The following TMC1 variants were observed in gnomAD, a reference collection of about 807,000 sequenced individuals.
TMC1 encodes transmembrane channel-like protein 1.
A neutral mutation model predicts 105.8 loss-of-function variants in TMC1; 84 were observed. The ratio of observed to expected loss-of-function variants is 0.79; its 90% CI spans 0.67 to 0.95. The LOEUF (loss-of-function observed/expected upper bound fraction) is 0.95, where lower values mean the gene tolerates loss of function less well. Among genes scored for constraint, TMC1 ranks in the 40% least tolerant of loss-of-function variants. The pLI, the probability that TMC1 is intolerant of heterozygous loss-of-function variation, is 0.00. For missense variants in TMC1, 817 were observed against 914.1 expected, an observed-to-expected ratio of 0.89 and a Z score of 1.37; for synonymous variants, 315 against 311.5, an observed-to-expected ratio of 1.01 and a Z score of -0.12.
chr9:72,734,131 A>C (rs1827259629), intron 8 of TMC1, among the ~76,000 whole-genome samples: 1 of 152,158 alleles, frequency 6.6e-6, no homozygotes, highest in Non-Finnish European at 1.5e-5. Context: ...ATGGCATGAG[A>C]TTTCATCATG....
At position 72,791,970 on chromosome 9, in the gene TMC1, A is replaced by G; in HGVS notation, c.1309A>G (p.Ile437Val). The G allele has an allele frequency of 1.2e-6, 2 of 1,613,694 alleles. No individual in the cohort carries two copies. The highest frequency in any genetic ancestry group is 8.5e-7 in the Non-Finnish European group (1 of 1,179,718). ...FAELEDYHPLIALKWLLGRIF... is the reference protein window; with the variant it reads ...FAELEDYHPLVALKWLLGRIF... ...TGAATTAGAAGACTACCATCCTCTC[A>G]TCGCTTTGAAATGGCTACTGGGACG... The change falls in exon 16 of 24, where the codon ATC becomes GTC. Residue 437 changes from isoleucine to valine, a missense_variant. Transcript: ENST00000297784.
chr9:72,639,931 T>G (rs1223860441), intron 4 of TMC1, among the ~76,000 whole-genome samples: 2 of 152,180 alleles, frequency 1.3e-5, no homozygotes, highest in Admixed American at 1.3e-4. Flanking sequence ...TTAATCCTAA[T>G]TTGCATCACA....
chr9:72,686,163 T>TGCC (rs1385627812), intron 5 of TMC1, among the ~76,000 whole-genome samples: 1 of 152,230 alleles, frequency 6.6e-6, no homozygotes, highest in Non-Finnish European at 1.5e-5. Context: ...TTTTGCTTGC[T>TGCC]GCCTCCAACA....
At chr9:72,770,934 G>A (rs1827915296) in intron 12 of TMC1, among the ~76,000 whole-genome samples, 1 of 152,138 alleles carries the variant, frequency 6.6e-6, no homozygotes, top group Non-Finnish European at 1.5e-5. Context: ...ATGCTGGGGA[G>A]GGCAATCTAC....
chr9:72,781,784 G>C (rs532618068), intron 13 of TMC1, among the ~76,000 whole-genome samples: 100 of 152,208 alleles, frequency 6.6e-4, no homozygotes, highest in African/African-American at 2.4e-3. Context: ...ACCCTGAACA[G>C]ACCAATAACA....
intron 1 of TMC1, among the ~76,000 whole-genome samples, chr9:72,568,705 T>G (rs1267843534): frequency 6.6e-6 from 1 of 152,240 alleles, no homozygotes; most frequent in Non-Finnish European, 1.5e-5. Context: ...CTCAGTGGAA[T>G]CCAAGATGTT....
At chr9:72,694,824 G>C in intron 7 of TMC1, 110 bp downstream of exon 7, 1 of 1,015,378 alleles carries the variant, frequency 9.8e-7, no homozygotes, top group Non-Finnish European at 1.5e-6. Flanking sequence ...TAGAAAGAGA[G>C]CCTTAATCTG....
chr9:72,762,017 G>A (rs571776827), intron 12 of TMC1, among the ~76,000 whole-genome samples: 4 of 152,258 alleles, frequency 2.6e-5, no homozygotes, highest in South Asian at 2.1e-4. Context: ...GGAGGGAGGC[G>A]TGTGAAGGAT....
chr9:72,593,375 T>C (rs1314539769), intron 2 of TMC1, among the ~76,000 whole-genome samples: 1 of 152,024 alleles, frequency 6.6e-6, no homozygotes, highest in African/African-American at 2.4e-5. Flanking sequence ...CCCCATTTTC[T>C]TTTTTCTTTT....
At chr9:72,633,575 G>A (rs554073791) in intron 4 of TMC1, among the ~76,000 whole-genome samples, 1 of 152,246 alleles carries the variant, frequency 6.6e-6, no homozygotes, top group Non-Finnish European at 1.5e-5. Flanking sequence ...TTCTTATTCT[G>A]TAAAATGAGT....
chr9:72,656,139 G>A, intron 5 of TMC1: 1 of 637,268 alleles, frequency 1.6e-6, no homozygotes, highest in Non-Finnish European at 3.0e-6. Context: ...TTCGAATTCG[G>A]TGAATTGCCA....
At chr9:72,664,176 C>T (rs1359612288) in intron 5 of TMC1, among the ~76,000 whole-genome samples, 1 of 152,204 alleles carries the variant, frequency 6.6e-6, no homozygotes, top group Non-Finnish European at 1.5e-5. Context: ...ATAAATACAG[C>T]AGTAACAGAG....
At chr9:72,819,276 T>C (rs1035362257) in intron 19 of TMC1, among the ~76,000 whole-genome samples, 12 of 152,218 alleles carry the variant, frequency 7.9e-5, no homozygotes, top group African/African-American at 2.7e-4. Flanking sequence ...CTAATTTCTA[T>C]TCATACTTTA....
At chr9:72,789,066 G>A in intron 14 of TMC1, 57 bp from the exon 15 acceptor site, 1 of 1,534,226 alleles carries the variant, frequency 6.5e-7, no homozygotes, top group Non-Finnish European at 9.0e-7. Flanking sequence ...CTTTTAAAAT[G>A]TAGCTAAGAT....
At chr9:72,600,444 T>C (rs533827272) in intron 2 of TMC1, among the ~76,000 whole-genome samples, 20 of 152,170 alleles carry the variant, frequency 1.3e-4, no homozygotes, top group Non-Finnish European at 2.4e-4. Flanking sequence ...TCACCAATAC[T>C]GTGGGCTCTC....
chr9:72,578,901 C>T (rs12344850), intron 2 of TMC1, among the ~76,000 whole-genome samples: 10,984 of 152,216 alleles, frequency 0.072, 468 homozygotes, highest in Middle Eastern at 0.095. Context: ...TAAACTCCCC[C>T]AGTTGTAGTT....
At position 72,735,676 on chromosome 9, in the gene TMC1, C is replaced by A. The variant is rs925548500; in HGVS notation, c.363-4443C>A. On this transcript the variant is annotated intron_variant, in intron 8 of 23. Transcript: ENST00000297784. ...ATCCTGAAATCATGCCAGCTCATTG[C>A]AAAGGTCAGCCCTCAAAATAGTATT... Among the ~76,000 whole-genome samples, 42 of 152,284 alleles carry A rather than the reference C, an allele frequency of 2.8e-4. 1 individual carries two copies. Among genetic ancestry groups the A allele is most frequent in the South Asian group, 2.1e-4 (1 of 4,826 alleles).
intron 1 of TMC1, among the ~76,000 whole-genome samples, chr9:72,574,181 C>T (rs936260671): frequency 6.6e-6 from 1 of 152,176 alleles, no homozygotes; most frequent in Non-Finnish European, 1.5e-5. Flanking sequence ...CTCCATGCTC[C>T]ATATGGATAT....
At chr9:72,795,462 A>C (rs576291874) in intron 17 of TMC1, among the ~76,000 whole-genome samples, 45 of 152,334 alleles carry the variant, frequency 3.0e-4, no homozygotes, top group African/African-American at 1.1e-3. Flanking sequence ...CTGAAACCCT[A>C]CAAGCCAGAA....
Sources: gnomAD v4.1 joint callset for allele counts (sites outside exome capture counted in the v4.1 genomes callset) on GRCh38, gnomAD v4.1.1 for gene constraint, MANE v1.5 for transcripts, NCBI Gene and HGNC (gene_info 2026-07-23, HGNC 2026-07-21) for gene names.